ROR2: variants seen among roughly 807,000 people sequenced by gnomAD.
ROR2 encodes tyrosine-protein kinase transmembrane receptor ROR2.
In ROR2, 33 loss-of-function variants were observed where a neutral mutation model predicts 74.9. That is an observed-to-expected ratio of 0.44 (90% CI 0.33 to 0.59). The LOEUF is 0.59. Ranked by LOEUF, ROR2 falls within the 20% of genes least tolerant of loss-of-function variation. ROR2 has a pLI of 0.02. For missense variants in ROR2, 1,216 were observed against 1,313.8 expected (o/e 0.93, Z 1.15); for synonymous variants, 586 against 558.7 (o/e 1.05, Z -0.69).
intron 1 of ROR2, among the ~76,000 whole-genome samples, chr9:91,912,126 TAGTG>T (rs1187572780): frequency 2.0e-5 from 3 of 151,084 alleles, no homozygotes; most frequent in African/African-American, 7.4e-5. Flanking sequence ...AAACAGACAT[TAGTG>T]AGAAAACTGC....
intron 1 of ROR2, among the ~76,000 whole-genome samples, chr9:91,940,731 G>C (rs1831829405): frequency 2.0e-5 from 3 of 151,108 alleles, no homozygotes; most frequent in Admixed American, 2.0e-4. Flanking sequence ...CTCCCGAGTA[G>C]TTGGGATTAC....
intron 1 of ROR2, among the ~76,000 whole-genome samples, chr9:91,926,310 G>A (rs976176020): frequency 3.9e-5 from 6 of 151,988 alleles, no homozygotes; most frequent in African/African-American, 7.2e-5. Flanking sequence ...GTGAACCCGG[G>A]AGTCAGAGCT....
chr9:91,820,086 C>T (rs1261489524), intron 1 of ROR2, among the ~76,000 whole-genome samples: 1 of 152,180 alleles, frequency 6.6e-6, no homozygotes, highest in Non-Finnish European at 1.5e-5. Flanking sequence ...ATGCTGCCTT[C>T]AACACTACAG....
At chr9:91,854,842 G>A (rs1829226376) in intron 1 of ROR2, among the ~76,000 whole-genome samples, 1 of 152,194 alleles carries the variant, frequency 6.6e-6, no homozygotes, top group African/African-American at 2.4e-5. Context: ...TGTTTAAATA[G>A]CATTGCCACC....
intron 1 of ROR2, among the ~76,000 whole-genome samples, chr9:91,839,536 G>A (rs919467960): frequency 2.0e-5 from 3 of 151,804 alleles, no homozygotes; most frequent in Non-Finnish European, 4.4e-5. Context: ...TTGTGGGGAG[G>A]TATATGAGTG....
chr9:91,722,750 G>A lies in ROR2; in HGVS notation c.*912C>T. The A allele has an allele frequency of 1.6e-6, 1 of 632,686 alleles. No homozygotes were observed. The highest frequency in any genetic ancestry group is 2.9e-6 in the Non-Finnish European group (1 of 345,400). The allele number at this position is 632,686 out of a possible 1,614,324, so 39.2% of individuals were successfully genotyped here. ...TCATGTGCACGTGGTACAGAGAGAA[G>A]CAAACCAAGACCAACTGGATCCCAA... is the stretch of plus-strand genomic sequence containing the variant. On this transcript the variant is annotated 3_prime_UTR_variant, in exon 9 of 9. Coordinates refer to ENST00000375708, the MANE Select transcript of ROR2 (RefSeq NM_004560.4).
intron 4 of ROR2, among the ~76,000 whole-genome samples, chr9:91,746,460 T>A (rs754657055): frequency 6.6e-6 from 1 of 152,202 alleles, no homozygotes; most frequent in Non-Finnish European, 1.5e-5. Flanking sequence ...TTCCTGTAAT[T>A]AGGATAAACT....
In ROR2 at chr9:91,871,210, T is replaced by C. The variant is rs1003471885; in HGVS notation, c.97+78657A>G. On this transcript the variant is annotated intron_variant, in intron 1 of 8. Transcript: ENST00000375708. ...CCTCTGAAGAGTCTCACTTTCTCTG[T>C]TTCCATGTTGGTCTCCTTCCATGTG... 5.3e-5 allele frequency among the ~76,000 whole-genome samples: 8 copies of C among 152,246 alleles called. No individual in the cohort carries two copies. In the East Asian group the frequency reaches 1.5e-3, roughly 29 times the overall value.
chr9:91,732,745 C>A (rs1736484871), intron 6 of ROR2, among the ~76,000 whole-genome samples: 1 of 152,194 alleles, frequency 6.6e-6, no homozygotes, highest in Non-Finnish European at 1.5e-5. Context: ...GACCGTCGGG[C>A]AAGTTAGGAA....
At chr9:91,924,898 G>A (rs1831358063) in intron 1 of ROR2, among the ~76,000 whole-genome samples, 1 of 152,142 alleles carries the variant, frequency 6.6e-6, no homozygotes, top group African/African-American at 2.4e-5. Flanking sequence ...ATGCTGGAGT[G>A]CAGTGGCACA....
intron 4 of ROR2, among the ~76,000 whole-genome samples, chr9:91,740,227 C>T (rs1410843678): frequency 2.0e-5 from 3 of 152,100 alleles, no homozygotes; most frequent in Non-Finnish European, 4.4e-5. Flanking sequence ...TCACACTTCC[C>T]TCACCGAAGC....
At chr9:91,798,558 G>A (rs1157012371) in intron 1 of ROR2, among the ~76,000 whole-genome samples, 2 of 138,880 alleles carry the variant, frequency 1.4e-5, no homozygotes, top group African/African-American at 2.8e-5. Flanking sequence ...GGATCTGTGG[G>A]TGCAGCTGAC....
chr9:91,725,217 C>T, intron 8 of ROR2, 110 bp from the exon 9 acceptor site: 4 of 1,573,862 alleles, frequency 2.5e-6, no homozygotes, highest in East Asian at 2.2e-5. Flanking sequence ...ACTAGGGGGG[C>T]CTTGCAGAAG....
intron 1 of ROR2, among the ~76,000 whole-genome samples, chr9:91,843,679 T>A (rs893293903): frequency 6.6e-6 from 1 of 152,224 alleles, no homozygotes; most frequent in African/African-American, 2.4e-5. Flanking sequence ...TGTCGATGTC[T>A]GCAGGTGATA....
chr9:91,774,938 C>T (rs759174984), intron 2 of ROR2, among the ~76,000 whole-genome samples: 4 of 152,202 alleles, frequency 2.6e-5, no homozygotes, highest in Non-Finnish European at 5.9e-5. Context: ...TCGGTTTCAG[C>T]GGGGCCTCCA....
chr9:91,848,561 G>C (rs558696867), intron 1 of ROR2, among the ~76,000 whole-genome samples: 7 of 152,266 alleles, frequency 4.6e-5, no homozygotes, highest in African/African-American at 1.4e-4. Flanking sequence ...GGAAGTTCAA[G>C]ACCAGCCTGG....
Position 91,911,933 on chromosome 9 carries a change from C to CAAAAAAAAAAA in ROR2, c.97+37923_97+37933dup, listed in dbSNP as rs747087662. On this transcript the variant is annotated intron_variant, in intron 1 of 8. Coordinates refer to ENST00000375708, the MANE Select transcript of ROR2 (RefSeq NM_004560.4). ...CCAGTGTCCATTACCTGAGTCTAAGCAAAAAAAAAAAAAAAAAAAAACCAC... is the reference window on the plus strand; with the variant it reads ...CCAGTGTCCATTACCTGAGTCTAAGCAAAAAAAAAAAAAAAAAAAAAAAAAAAAAAAACCAC... Among the ~76,000 whole-genome samples, 15 of 76,384 alleles carry CAAAAAAAAAAA rather than the reference C, an allele frequency of 2.0e-4. 1 individual carries two copies. The highest frequency in any genetic ancestry group is 5.3e-4 in the African/African-American group (11 of 20,734). 50.1% of individuals were successfully genotyped at this position (76,384 alleles called of 152,430 possible). A position where few individuals can be genotyped will look rare whatever the true frequency, so the allele number is the denominator to read the frequency against.
chr9:91,813,083 C>T (rs1379560702), intron 1 of ROR2, among the ~76,000 whole-genome samples: 3 of 152,060 alleles, frequency 2.0e-5, no homozygotes, highest in Non-Finnish European at 2.9e-5. Context: ...CCAGGGTGCC[C>T]ATCAACACTG....
chr9:91,866,931 C>T (rs979113339), intron 1 of ROR2, among the ~76,000 whole-genome samples: 1 of 152,160 alleles, frequency 6.6e-6, no homozygotes, highest in Non-Finnish European at 1.5e-5. Context: ...GCACATCCTC[C>T]TCAAAATAGG....
Sources: gnomAD v4.1 joint callset for allele counts (sites outside exome capture counted in the v4.1 genomes callset) on GRCh38, gnomAD v4.1.1 for gene constraint, MANE v1.5 for transcripts, NCBI Gene and HGNC (gene_info 2026-07-23, HGNC 2026-07-21) for gene names.